The following RBM22 variants were observed in gnomAD, a reference collection of about 807,000 sequenced individuals.
RBM22 encodes pre-mRNA-splicing factor RBM22.
A neutral mutation model predicts 50.1 loss-of-function variants in RBM22; 1 was observed. That is an observed-to-expected ratio of 0.02 (90% CI 0.01 to 0.09). The LOEUF (loss-of-function observed/expected upper bound fraction) is 0.09, where lower values mean the gene tolerates loss of function less well. RBM22 is among the 10% of genes least tolerant of loss of function. The pLI is 1.00. For missense variants in RBM22, 264 were observed against 529.3 expected (o/e 0.50, Z 4.92); for synonymous variants, 152 against 179.0 (o/e 0.85, Z 1.20).
intron 9 of RBM22, 33 bp downstream of exon 9, chr5:150,693,186 A>G: frequency 2.5e-6 from 4 of 1,588,656 alleles, no homozygotes; most frequent in Non-Finnish European, 3.4e-6. Context: ...GGGCAGAAAG[A>G]GCTTCTGAAG....
At chr5:150,699,184 T>A in intron 3 of RBM22, 58 bp downstream of exon 3, 1 of 1,553,044 alleles carries the variant, frequency 6.4e-7, no homozygotes, top group Non-Finnish European at 8.7e-7. Context: ...TGAAGGCTAA[T>A]TTGGTAGAGA....
In RBM22 at chr5:150,696,978, CT is replaced by C; in HGVS notation, c.272-88del. On this transcript the variant is annotated intron_variant, in intron 4 of 10. Transcript: ENST00000199814. This position sits in a 1 kb window ranked among gnomAD's most constrained non-coding sequence, Gnocchi z 4.3. ...TGCACACAGAATACATCATCTTTCC[CT>C]TCTCCTCTTTCCTATTTAGTACCAG... 10 of 1,257,276 alleles carry C rather than the reference CT, an allele frequency of 8.0e-6. No individual in the cohort carries two copies. The highest frequency in any genetic ancestry group is 1.1e-5 in the Non-Finnish European group (10 of 874,728). 77.9% of individuals were successfully genotyped at this position (1,257,276 alleles called of 1,614,324 possible). A position where few individuals can be genotyped will look rare whatever the true frequency, so the allele number is the denominator to read the frequency against.
Position 150,691,748 on chromosome 5 carries a change from G to T in RBM22, c.*3C>A, listed in dbSNP as rs892349842. On this transcript the variant is annotated 3_prime_UTR_variant, in exon 11 of 11. Coordinates refer to ENST00000199814, the MANE Select transcript of RBM22 (RefSeq NM_018047.3). ...CACAGAGCCCCAGAGTGGTGACAAGGTGCTAGGGGCTGCTGTGTTTTCCAG... is the reference window on the plus strand; with the variant it reads ...CACAGAGCCCCAGAGTGGTGACAAGTTGCTAGGGGCTGCTGTGTTTTCCAG... 1 of 1,578,034 alleles carries T rather than the reference G, an allele frequency of 6.3e-7. No homozygotes were observed. The highest frequency in any genetic ancestry group is 1.8e-5 in the Admixed American group (1 of 54,834).
At chr5:150,697,995 A>G (rs149555763) in intron 4 of RBM22, among the ~76,000 whole-genome samples, 2 of 152,226 alleles carry the variant, frequency 1.3e-5, no homozygotes, top group Non-Finnish European at 2.9e-5. Context: ...ACACACGTGC[A>G]CTGGGTGTGG....
intron 4 of RBM22, 144 bp from the exon 5 acceptor site, chr5:150,697,035 T>A: frequency 1.3e-6 from 1 of 774,314 alleles, no homozygotes; most frequent in Non-Finnish European, 2.1e-6. Flanking sequence ...TCAAACTCTT[T>A]AGCACCATCA....
At chr5:150,700,609 A>G in intron 1 of RBM22, 112 bp from the exon 2 acceptor site, 1 of 1,563,654 alleles carries the variant, frequency 6.4e-7, no homozygotes, top group South Asian at 1.2e-5. Flanking sequence ...TAGGCACGGC[A>G]GGAACCCGAA....
intron 9 of RBM22, 59 bp downstream of exon 9, chr5:150,693,160 C>T: frequency 1.3e-6 from 2 of 1,564,148 alleles, no homozygotes; most frequent in Admixed American, 3.6e-5. Flanking sequence ...TCCCATCTTC[C>T]AAAATAGGAA....
At chr5:150,699,425 C>G (rs1159068618) in intron 2 of RBM22, among the ~76,000 whole-genome samples, 154 bp from the exon 3 acceptor site, 2 of 152,132 alleles carry the variant, frequency 1.3e-5, no homozygotes, top group African/African-American at 2.4e-5. Context: ...AAAACCCAAC[C>G]TTTTTTGGGA....
At chr5:150,700,594 G>C (rs770892468) in intron 1 of RBM22, 97 bp from the exon 2 acceptor site, 6 of 1,584,652 alleles carry the variant, frequency 3.8e-6, no homozygotes, top group Non-Finnish European at 4.3e-6. Flanking sequence ...GCGAGGGTGG[G>C]GAACTAGGCA....
chr5:150,697,853 T>G, intron 4 of RBM22: 6 of 215,218 alleles, frequency 2.8e-5, no homozygotes, highest in South Asian at 2.4e-4. Flanking sequence ...AATATATCAG[T>G]TCTAACAACA....
At chr5:150,699,358 A>C (rs1287888880) in intron 2 of RBM22, 87 bp from the exon 3 acceptor site, 31 of 1,458,090 alleles carry the variant, frequency 2.1e-5, no homozygotes, top group Non-Finnish European at 2.8e-5. Context: ...TAACCCAAGA[A>C]ATGTGTCTGG....
chr5:150,698,430 A>T, intron 4 of RBM22, 69 bp downstream of exon 4: 1 of 1,553,336 alleles, frequency 6.4e-7, no homozygotes, highest in Non-Finnish European at 8.8e-7. Flanking sequence ...GCGAAGTGGG[A>T]GACAAAAGAC....
intron 7 of RBM22, chr5:150,695,251 A>G (rs1207428539): frequency 1.1e-5 from 5 of 446,004 alleles, no homozygotes; most frequent in African/African-American, 9.9e-5. Flanking sequence ...CTGGTCTCAA[A>G]CTCCTCGGTT....
At position 150,700,947 on chromosome 5, in the gene RBM22, C is replaced by A; in HGVS notation, c.39G>T (p.Gln13His). ...TSLGSNTYNR[Q>H]NWEDADFPIL... ...GCACACTCACCGCATCCTCCCAGTT[C>A]TGCCTGTTGTAGGTGTTGGAACCCA... is the stretch of plus-strand genomic sequence containing the variant. The change falls in exon 1 of 11, where the codon CAG (glutamine) becomes CAT (histidine). Residue 13 changes from glutamine to histidine, a missense_variant. Physicochemically the swap from Gln to His is conservative, Grantham distance 24. Coordinates refer to ENST00000199814, the MANE Select transcript of RBM22 (RefSeq NM_018047.3). 1 of 1,614,242 alleles carries A rather than the reference C, an allele frequency of 6.2e-7. No individual in the cohort carries two copies. The highest frequency in any genetic ancestry group is 1.1e-5 in the South Asian group (1 of 91,084).
rs1759343311 is a variant in RBM22 at position 150,701,011 on chromosome 5, A to G, written c.-26T>C. ...CTTGAGAGCGTCCGGAGGTAGCTGT[A>G]GCTTCCGAATTGGGAGAGAGGACCG... On this transcript the variant is annotated 5_prime_UTR_variant, in exon 1 of 11. Coordinates refer to ENST00000199814, the MANE Select transcript of RBM22 (RefSeq NM_018047.3). 6.2e-7 allele frequency: 1 copy of G among 1,614,144 alleles called. No individual in the cohort carries two copies. The highest frequency in any genetic ancestry group is 8.5e-7 in the Non-Finnish European group (1 of 1,180,004).
rs766614119 is a variant in RBM22, at chr5:150,694,202, G to A, written c.785C>T (p.Thr262Ile). 1 of 1,614,162 alleles carries A rather than the reference G, an allele frequency of 6.2e-7. No individual in the cohort carries two copies. The highest frequency in any genetic ancestry group is 8.5e-7 in the Non-Finnish European group (1 of 1,180,012). ...FYQFGEIRTI[T>I]VVQRQQCAFI... ...AGCACACTGCTGTCTCTGCACAACA[G>A]TGATCGTCCGGATCTCTCCGAACTG... Residue 262 changes from threonine (T) to isoleucine (I), a missense_variant, in exon 8 of 11, where the codon ACT becomes ATT. Physicochemically the swap from Thr to Ile is moderately conservative, Grantham distance 89. Coordinates refer to ENST00000199814, the MANE Select transcript of RBM22 (RefSeq NM_018047.3).
chr5:150,691,850 T>C lies in RBM22; in HGVS notation c.1164A>G (p.Gly388=). ...GFGPHMFHPM[G]PPPPFMRAPG... Reference sequence around the variant, plus strand: ...GAGCCCGCATGAAAGGAGGGGGTGGTCCCATTGGGTGGAACATGTGTGGCC... The same window carrying C: ...GAGCCCGCATGAAAGGAGGGGGTGGCCCCATTGGGTGGAACATGTGTGGCC... The change falls in exon 11 of 11, where the codon GGA becomes GGG. Residue 388 remains glycine (G), a synonymous_variant. Transcript: ENST00000199814. 1 of 1,599,130 alleles carries C rather than the reference T, an allele frequency of 6.3e-7. No homozygotes were observed. The highest frequency in any genetic ancestry group is 8.5e-7 in the Non-Finnish European group (1 of 1,172,790).
At position 150,701,015 on chromosome 5, in the gene RBM22, T is replaced by G. The variant is rs772601729; in HGVS notation, c.-30A>C. 1 of 1,613,974 alleles carries G rather than the reference T, an allele frequency of 6.2e-7. No individual in the cohort carries two copies. The highest frequency in any genetic ancestry group is 1.3e-5 in the African/African-American group (1 of 75,040). ...AGAGCGTCCGGAGGTAGCTGTAGCT[T>G]CCGAATTGGGAGAGAGGACCGCCAC... On this transcript the variant is annotated 5_prime_UTR_variant, in exon 1 of 11. Coordinates refer to ENST00000199814, the MANE Select transcript of RBM22 (RefSeq NM_018047.3).
intron 4 of RBM22, among the ~76,000 whole-genome samples, chr5:150,697,519 A>G (rs926150126): frequency 2.0e-5 from 3 of 152,214 alleles, no homozygotes; most frequent in Non-Finnish European, 4.4e-5. Context: ...TTTTTATTAC[A>G]ACATGATTTA....
Sources: allele counts gnomAD v4.1 joint callset (sites outside exome capture counted in the v4.1 genomes callset), GRCh38; gene constraint gnomAD v4.1.1; non-coding constraint Gnocchi (gnomAD v3.1); transcripts MANE v1.5; gene names NCBI Gene and HGNC (gene_info 2026-07-23, HGNC 2026-07-21).